FGF5: variants seen among roughly 807,000 people sequenced by gnomAD.
The protein encoded by FGF5 is fibroblast growth factor 5.
A neutral mutation model predicts 21.8 loss-of-function variants in FGF5; 23 were observed. The observed-to-expected ratio is 1.05, with a 90% CI of 0.76 to 1.49. FGF5 has a LOEUF of 1.49. Among genes scored for constraint, FGF5 ranks in the 40% most tolerant of loss-of-function variants. The probability of loss-of-function intolerance (pLI) is 0.00; values close to 1 mark genes in which losing one functional copy is unlikely to be tolerated. For missense variants in FGF5, 352 were observed against 332.9 expected, an observed-to-expected ratio of 1.06 and a Z score of -0.45; for synonymous variants, 158 against 124.0, an observed-to-expected ratio of 1.27 and a Z score of -1.82.
chr4:80,275,962 T>C (rs1175651542), intron 2 of FGF5, among the ~76,000 whole-genome samples: 1 of 152,042 alleles, frequency 6.6e-6, no homozygotes, highest in African/African-American at 2.4e-5. Flanking sequence ...AAAGTTTCAA[T>C]TGATAGCAAT....
intron 2 of FGF5, among the ~76,000 whole-genome samples, chr4:80,285,072 T>C (rs997792299): frequency 6.6e-6 from 1 of 152,158 alleles, no homozygotes; most frequent in East Asian, 1.9e-4. Flanking sequence ...GAATCCTCCT[T>C]TGGATTCTCA....
intron 1 of FGF5, among the ~76,000 whole-genome samples, 166 bp from the exon 2 acceptor site, chr4:80,274,739 CTTCT>C (rs1720362810): frequency 6.6e-6 from 1 of 151,984 alleles, no homozygotes; most frequent in Admixed American, 6.5e-5. Context: ...GAATCCTAGC[CTTCT>C]TTGTTTTTAA....
At chr4:80,271,937 C>A (rs922290792) in intron 1 of FGF5, among the ~76,000 whole-genome samples, 6 of 152,132 alleles carry the variant, frequency 3.9e-5, no homozygotes, top group African/African-American at 1.4e-4. Context: ...TTTGTCATAG[C>A]AAAATCAATA....
rs892126010 is a variant in FGF5 at position 80,282,161 on chromosome 4, C to A, written c.460-4164C>A. Among the ~76,000 whole-genome samples the A allele has an allele frequency of 6.1e-4, 93 of 152,224 alleles. 1 individual carries two copies. The highest frequency in any genetic ancestry group is 2.1e-3 in the African/African-American group (89 of 41,536). On this transcript the variant is annotated intron_variant, in intron 2 of 2. Transcript: ENST00000312465. Reference sequence around the variant, plus strand: ...ATTTTTAGTACAGACAGGGTTTCACCATGTTGGTCAGGCTGGTCTCGAACT... The same window carrying A: ...ATTTTTAGTACAGACAGGGTTTCACAATGTTGGTCAGGCTGGTCTCGAACT...
Position 80,266,869 on chromosome 4 carries a change from C to G in FGF5, c.45C>G (p.Ile15Met), listed in dbSNP as rs1321390927. 1.1e-5 allele frequency: 17 copies of G among 1,610,380 alleles called. No individual in the cohort carries two copies. Among genetic ancestry groups the G allele is most frequent in the Non-Finnish European group, 1.4e-5 (16 of 1,178,434 alleles). Reference sequence around the variant, plus strand: ...TCCTCCTCTTCTTCAGCCACCTGATCCTCAGCGCCTGGGCTCACGGGGAGA... The same window carrying G: ...TCCTCCTCTTCTTCAGCCACCTGATGCTCAGCGCCTGGGCTCACGGGGAGA... ...FLLLLFFSHL[I>M]LSAWAHGEKR... The change falls in exon 1 of 3, where the codon ATC becomes ATG. Residue 15 changes from isoleucine (I) to methionine (M), a missense_variant. Physicochemically the swap from Ile to Met is conservative, Grantham distance 10. Transcript: ENST00000312465.
In FGF5 at chr4:80,287,016, G is replaced by A. The variant is rs1047012959; in HGVS notation, c.*344G>A. 5.5e-6 allele frequency: 1 copy of A among 181,524 alleles called. No individual in the cohort carries two copies. The highest frequency in any genetic ancestry group is 2.3e-5 in the African/African-American group (1 of 42,758). 11.2% of individuals were successfully genotyped at this position (181,524 alleles called of 1,614,324 possible). A position where few individuals can be genotyped will look rare whatever the true frequency, so the allele number is the denominator to read the frequency against. On this transcript the variant is annotated 3_prime_UTR_variant, in exon 3 of 3. Transcript: ENST00000312465. ...CAGATTAACCTGAAAGAACATACATGATACATTTTTATTTTTGGTTTCCAA... is the reference window on the plus strand; with the variant it reads ...CAGATTAACCTGAAAGAACATACATAATACATTTTTATTTTTGGTTTCCAA...
Position 80,290,468 on chromosome 4 carries a change from A to G in FGF5, c.*3796A>G, listed in dbSNP as rs1349732119. 6.6e-6 allele frequency: 1 copy of G among 152,128 alleles called. No homozygotes were observed. Among genetic ancestry groups the G allele is most frequent in the Non-Finnish European group, 1.5e-5 (1 of 68,032 alleles). 9.4% of individuals were successfully genotyped at this position (152,128 alleles called of 1,614,324 possible). A position where few individuals can be genotyped will look rare whatever the true frequency, so the allele number is the denominator to read the frequency against. The stretch of plus-strand genomic sequence containing the variant: ...CTATTTGAAAGTCTCAGGGGAGAAA[A>G]GGGAACAAGATGCTGATCCAACCTG... On this transcript the variant is annotated 3_prime_UTR_variant, in exon 3 of 3. Coordinates refer to ENST00000312465, the MANE Select transcript of FGF5 (RefSeq NM_004464.4).
chr4:80,268,437 A>T, intron 1 of FGF5: 1 of 978,524 alleles, frequency 1.0e-6, no homozygotes, highest in Non-Finnish European at 1.2e-6. Flanking sequence ...AACTTGCTCC[A>T]TCTCAGACCA....
Position 80,266,753 on chromosome 4 carries a change from G to C in FGF5, c.-72G>C. The C allele has an allele frequency of 7.6e-7, 1 of 1,311,178 alleles. No individual in the cohort carries two copies. Among genetic ancestry groups the C allele is most frequent in the Non-Finnish European group, 1.0e-6 (1 of 959,102 alleles). 81.2% of individuals were successfully genotyped at this position (1,311,178 alleles called of 1,614,324 possible). On this transcript the variant is annotated 5_prime_UTR_variant, in exon 1 of 3. Coordinates refer to ENST00000312465, the MANE Select transcript of FGF5 (RefSeq NM_004464.4). ...GCGAGGCGGGCAGAGCCAGAGGCAC[G>C]CAGCCGCACAGGGGCTACAGAGCCC...
chr4:80,271,857 T>A (rs1294854434), intron 1 of FGF5, among the ~76,000 whole-genome samples: 6 of 152,128 alleles, frequency 3.9e-5, no homozygotes, highest in African/African-American at 1.4e-4. Flanking sequence ...TTTTCAGAAA[T>A]TTATATATTT....
chr4:80,281,849 C>T (rs182295438), intron 2 of FGF5, among the ~76,000 whole-genome samples: 1 of 152,204 alleles, frequency 6.6e-6, no homozygotes, highest in East Asian at 1.9e-4. Flanking sequence ...TGTAGTTAAT[C>T]GGAGTTGTGC....
intron 1 of FGF5, chr4:80,268,475 C>G (rs1428189608): frequency 1.0e-6 from 1 of 985,872 alleles, no homozygotes; most frequent in African/African-American, 1.7e-5. Flanking sequence ...TGGGCTCCTT[C>G]TTACACAGGC....
chr4:80,283,896 C>T (rs1720637615), intron 2 of FGF5, among the ~76,000 whole-genome samples: 1 of 152,054 alleles, frequency 6.6e-6, no homozygotes, highest in African/African-American at 2.4e-5. Context: ...ATGTCTATAG[C>T]TTTTATTTTG....
intron 2 of FGF5, among the ~76,000 whole-genome samples, chr4:80,276,207 C>T (rs764080462): frequency 2.0e-4 from 31 of 151,794 alleles, no homozygotes; most frequent in Non-Finnish European, 3.7e-4. Context: ...TATAAGTGCT[C>T]AATAAATATT....
At chr4:80,284,124 G>A (rs2109928930) in intron 2 of FGF5, among the ~76,000 whole-genome samples, 1 of 152,286 alleles carries the variant, frequency 6.6e-6, no homozygotes, top group East Asian at 1.9e-4. Flanking sequence ...GCCATACATA[G>A]GTGGTGATTG....
chr4:80,268,897 G>A (rs998690032), intron 1 of FGF5, among the ~76,000 whole-genome samples: 3 of 152,242 alleles, frequency 2.0e-5, no homozygotes, highest in African/African-American at 7.2e-5. Context: ...CTGTTGGGGT[G>A]AAATGGAATT....
intron 1 of FGF5, among the ~76,000 whole-genome samples, chr4:80,268,091 T>G (rs1189078539): frequency 6.6e-6 from 1 of 152,220 alleles, no homozygotes; most frequent in Non-Finnish European, 1.5e-5. Context: ...CTGAGTTTTT[T>G]CTTTCAGCAC....
At position 80,267,267 on chromosome 4, in the gene FGF5, C is replaced by G. The variant is rs538635960; in HGVS notation, c.355+88C>G. 273 of 1,105,998 alleles carry G rather than the reference C, an allele frequency of 2.5e-4. 4 individuals are homozygous for G. The South Asian group carries it at 4.1e-3, about 17-fold the overall frequency. 68.5% of individuals were successfully genotyped at this position (1,105,998 alleles called of 1,614,324 possible). ...GCAGGTATTCGCCGGGACACAGGCTCACCTTCCTGAGCCCAGGCCACTGGG... is the reference window on the plus strand; with the variant it reads ...GCAGGTATTCGCCGGGACACAGGCTGACCTTCCTGAGCCCAGGCCACTGGG... On this transcript the variant is annotated intron_variant, in intron 1 of 2. Transcript: ENST00000312465.
rs1720815926 is a variant in FGF5, at chr4:80,288,821, T to C, written c.*2149T>C. ...TACATTAAACTCAAATGTAATAGTTTATCTTATACTCCTGGTTTGATTTGA... is the reference window on the plus strand; with the variant it reads ...TACATTAAACTCAAATGTAATAGTTCATCTTATACTCCTGGTTTGATTTGA... On this transcript the variant is annotated 3_prime_UTR_variant, in exon 3 of 3. Coordinates refer to ENST00000312465, the MANE Select transcript of FGF5 (RefSeq NM_004464.4). 2 of 152,618 alleles carry C rather than the reference T, an allele frequency of 1.3e-5. No individual in the cohort carries two copies. Among genetic ancestry groups the C allele is most frequent in the South Asian group, 4.1e-4 (2 of 4,830 alleles). 9.5% of individuals were successfully genotyped at this position (152,618 alleles called of 1,614,324 possible).
Sources: gnomAD v4.1 joint callset for allele counts (sites outside exome capture counted in the v4.1 genomes callset) on GRCh38, gnomAD v4.1.1 for gene constraint, MANE v1.5 for transcripts, NCBI Gene and HGNC (gene_info 2026-07-23, HGNC 2026-07-21) for gene names.